MAP6: variants seen among roughly 807,000 people sequenced by gnomAD.
The protein encoded by MAP6 is microtubule associated protein 6, also known as microtubule-associated protein 6.
In MAP6, 26 loss-of-function variants were observed where a neutral mutation model predicts 42.4. The ratio of observed to expected loss-of-function variants is 0.61; its 90% CI spans 0.45 to 0.85. The LOEUF is 0.85. Among genes scored for constraint, MAP6 ranks in the 40% least tolerant of loss-of-function variants. MAP6 has a pLI of 0.00. For missense variants in MAP6, 966 were observed against 1,099.0 expected, an observed-to-expected ratio of 0.88 and a Z score of 1.71; for synonymous variants, 418 against 443.8, an observed-to-expected ratio of 0.94 and a Z score of 0.73.
At chr11:75,610,007 G>A (rs1942862071) in intron 1 of MAP6, among the ~76,000 whole-genome samples, 1 of 152,172 alleles carries the variant, frequency 6.6e-6, no homozygotes, top group Non-Finnish European at 1.5e-5. Context: ...GAGTTGCCAT[G>A]GGAGTGGGAC....
At chr11:75,608,532 G>T (rs1942824957) in intron 1 of MAP6, among the ~76,000 whole-genome samples, 1 of 152,210 alleles carries the variant, frequency 6.6e-6, no homozygotes, top group South Asian at 2.1e-4. Context: ...GGCAATAGCA[G>T]TTGTGCCTTG....
At chr11:75,659,089 G>A (rs970870872) in intron 1 of MAP6, among the ~76,000 whole-genome samples, 9 of 152,176 alleles carry the variant, frequency 5.9e-5, no homozygotes, top group African/African-American at 9.7e-5. Context: ...TTTACTGAAT[G>A]GAAACTGAAT....
chr11:75,634,267 C>T (rs781561531), intron 1 of MAP6, among the ~76,000 whole-genome samples: 4 of 152,128 alleles, frequency 2.6e-5, no homozygotes, highest in Non-Finnish European at 4.4e-5. Flanking sequence ...AAAGAAGACA[C>T]GAGTCTAATC....
intron 1 of MAP6, among the ~76,000 whole-genome samples, chr11:75,651,596 A>G (rs541501862): frequency 2.6e-4 from 39 of 152,334 alleles, no homozygotes; most frequent in African/African-American, 9.1e-4. Context: ...GCCAGAGACT[A>G]ATAGTATTTC....
intron 2 of MAP6, among the ~76,000 whole-genome samples, chr11:75,606,281 C>T (rs1471154304): frequency 6.6e-6 from 1 of 152,176 alleles, no homozygotes; most frequent in Non-Finnish European, 1.5e-5. Context: ...GGCCATACCA[C>T]TGTTGGGCAA....
At chr11:75,608,084 T>C (rs1165206299) in intron 2 of MAP6, 25 bp downstream of exon 2, 3 of 1,608,474 alleles carry the variant, frequency 1.9e-6, no homozygotes, top group Non-Finnish European at 1.7e-6. Context: ...GCTGTGCTGA[T>C]GGGTTCCCAC....
At chr11:75,656,523 T>C (rs575072930) in intron 1 of MAP6, among the ~76,000 whole-genome samples, 1 of 152,228 alleles carries the variant, frequency 6.6e-6, no homozygotes, top group Non-Finnish European at 1.5e-5. Context: ...GTGAGGCCTA[T>C]GCTCCTGCTC....
At chr11:75,651,530 TA>T (rs147521277) in intron 1 of MAP6, among the ~76,000 whole-genome samples, 2 of 152,148 alleles carry the variant, frequency 1.3e-5, no homozygotes, top group African/African-American at 2.4e-5. Flanking sequence ...GTCCATTTTT[TA>T]AAAAATTCCA....
intron 3 of MAP6, chr11:75,605,090 T>C: frequency 1.3e-5 from 13 of 985,446 alleles, no homozygotes; most frequent in Non-Finnish European, 1.4e-5. Flanking sequence ...CTATGACAGC[T>C]GGAATGTACC....
At chr11:75,619,656 C>A (rs889830023) in intron 1 of MAP6, among the ~76,000 whole-genome samples, 2 of 152,164 alleles carry the variant, frequency 1.3e-5, no homozygotes, top group Non-Finnish European at 2.9e-5. Context: ...TGGCCTCCAG[C>A]TCCATCCATG....
chr11:75,653,558 G>A (rs936539825), intron 1 of MAP6, among the ~76,000 whole-genome samples: 4 of 152,228 alleles, frequency 2.6e-5, no homozygotes, highest in African/African-American at 9.6e-5. Context: ...TTCATTTTCA[G>A]AGCAAATTTA....
At chr11:75,617,547 A>C (rs1243585638) in intron 1 of MAP6, among the ~76,000 whole-genome samples, 2 of 151,208 alleles carry the variant, frequency 1.3e-5, no homozygotes, top group African/African-American at 2.4e-5. Context: ...AAAAACCCAA[A>C]AACTCAAACT....
At chr11:75,609,623 C>G (rs546156) in intron 1 of MAP6, among the ~76,000 whole-genome samples, 1 of 152,234 alleles carries the variant, frequency 6.6e-6, no homozygotes, top group Admixed American at 6.5e-5. Context: ...TTATAATGTC[C>G]TTCTAGCTCT....
intron 1 of MAP6, among the ~76,000 whole-genome samples, chr11:75,639,411 C>T (rs1379948521): frequency 6.6e-6 from 1 of 152,108 alleles, no homozygotes; most frequent in Non-Finnish European, 1.5e-5. Context: ...TGAATACAAA[C>T]ACAAAAAAAC....
intron 1 of MAP6, among the ~76,000 whole-genome samples, chr11:75,650,694 A>AT (rs1375831753): frequency 2.0e-5 from 3 of 152,174 alleles, no homozygotes; most frequent in Non-Finnish European, 4.4e-5. Flanking sequence ...GGCATGTATC[A>AT]TACTGCCCTA....
At chr11:75,620,495 A>AG (rs1192045575) in intron 1 of MAP6, among the ~76,000 whole-genome samples, 1 of 151,662 alleles carries the variant, frequency 6.6e-6, no homozygotes, top group Non-Finnish European at 1.5e-5. Context: ...AAAAAAAAAA[A>AG]AAAGAAAGAA....
intron 1 of MAP6, among the ~76,000 whole-genome samples, chr11:75,658,757 C>G (rs1490024296): frequency 6.6e-6 from 1 of 152,162 alleles, no homozygotes; most frequent in Admixed American, 6.5e-5. Context: ...CAAGTTCTGC[C>G]CACACAGAAC....
rs115308245 is a variant in MAP6 at position 75,658,830 on chromosome 11, C to A, written c.905+8635G>T. On this transcript the variant is annotated intron_variant, in intron 1 of 3. Transcript: ENST00000304771. ...GATCCATTCTCCCATTTACCGCCAACTCATCTTTCAAGACTCAGGCTACTA... is the reference window on the plus strand; with the variant it reads ...GATCCATTCTCCCATTTACCGCCAAATCATCTTTCAAGACTCAGGCTACTA... Among the ~76,000 whole-genome samples the A allele has an allele frequency of 5.0e-3, 763 of 152,344 alleles. 11 individuals carry two copies. Among genetic ancestry groups the A allele is most frequent in the African/African-American group, 0.017 (725 of 41,582 alleles).
At chr11:75,648,624 A>T (rs1014814491) in intron 1 of MAP6, among the ~76,000 whole-genome samples, 10 of 152,258 alleles carry the variant, frequency 6.6e-5, no homozygotes, top group African/African-American at 2.2e-4. Flanking sequence ...GCAAGGACTA[A>T]GTCCACTGAA....
Sources: gnomAD v4.1 joint callset for allele counts (sites outside exome capture counted in the v4.1 genomes callset) on GRCh38, gnomAD v4.1.1 for gene constraint, MANE v1.5 for transcripts, NCBI Gene and HGNC (gene_info 2026-07-23, HGNC 2026-07-21) for gene names.